Variants in TENM3 observed in about 807,000 individuals in gnomAD.
TENM3 encodes the protein teneurin-3.
TENM3 carries 63 observed loss-of-function variants against 255.1 expected under a neutral mutation model. The ratio of observed to expected loss-of-function variants is 0.25; its 90% CI spans 0.20 to 0.30. The LOEUF (loss-of-function observed/expected upper bound fraction) is 0.30. Among genes scored for constraint, TENM3 ranks in the 10% least tolerant of loss-of-function variants. TENM3 has a pLI of 1.00. For missense variants in TENM3, 2,929 were observed against 3,461.1 expected, an observed-to-expected ratio of 0.85 and a Z score of 3.86; for synonymous variants, 1,306 against 1,322.3, an observed-to-expected ratio of 0.99 and a Z score of 0.27.
At chr4:182,288,872 T>A (rs185188128) in intron 1 of TENM3, among the ~76,000 whole-genome samples, 33 of 152,186 alleles carry the variant, frequency 2.2e-4, no homozygotes, top group African/African-American at 7.9e-4. Context: ...AAAAATAAAA[T>A]AAATAAAGGT....
At chr4:181,530,456 G>GGTA in the TENM3 span, among the ~76,000 whole-genome samples, 3 of 151,994 alleles carry the variant, frequency 2.0e-5, no homozygotes, top group African/African-American at 7.2e-5. Context: ...AGTTACAGGT[G>GGTA]TAGATGAGTT....
At chr4:182,346,591 AAAAGAAACT>A (rs1764825738) in intron 2 of TENM3, 51 bp from the exon 3 acceptor site, 15 of 1,414,536 alleles carry the variant, frequency 1.1e-5, no homozygotes, top group Admixed American at 4.9e-5. Context: ...AAAAAAAAAG[AAAAGAAACT>A]AACACTGAAC....
At chr4:181,928,464 G>A in the TENM3 span, among the ~76,000 whole-genome samples, 1 of 151,730 alleles carries the variant, frequency 6.6e-6, no homozygotes, top group Non-Finnish European at 1.5e-5. Context: ...AATAAAGCAG[G>A]AAGACAAGAT....
chr4:182,616,542 T>A (rs1366034440), intron 4 of TENM3, among the ~76,000 whole-genome samples: 7 of 74,882 alleles, frequency 9.3e-5, no homozygotes, highest in African/African-American at 1.8e-4. Flanking sequence ...AAAAAAAAGG[T>A]CAGGAGATCA....
chr4:182,112,746 T>C, the TENM3 span, among the ~76,000 whole-genome samples: 2 of 152,244 alleles, frequency 1.3e-5, no homozygotes, highest in African/African-American at 4.8e-5. Context: ...ATTTTTGCGT[T>C]TATGCTAATT....
At chr4:182,644,210 A>G (rs542386158) in intron 5 of TENM3, among the ~76,000 whole-genome samples, 1 of 152,246 alleles carries the variant, frequency 6.6e-6, no homozygotes, top group East Asian at 1.9e-4. Context: ...ACCAGCTGTC[A>G]TCACCCTTCC....
intron 3 of TENM3, among the ~76,000 whole-genome samples, chr4:182,491,855 TG>T (rs780745211): frequency 4.5e-4 from 69 of 152,174 alleles, no homozygotes; most frequent in Admixed American, 5.9e-4. Context: ...GGGATTGGGA[TG>T]CAGAACAGTA....
At chr4:181,501,567 G>A in the TENM3 span, among the ~76,000 whole-genome samples, 4 of 151,764 alleles carry the variant, frequency 2.6e-5, no homozygotes, top group African/African-American at 4.8e-5. Context: ...TTTAGTAGAG[G>A]CGGGGTTTCA....
At chr4:182,109,366 T>C in the TENM3 span, among the ~76,000 whole-genome samples, 7 of 150,934 alleles carry the variant, frequency 4.6e-5, no homozygotes, top group African/African-American at 1.7e-4. Context: ...ATAGTGATTA[T>C]ATTATATAAT....
intron 3 of TENM3, among the ~76,000 whole-genome samples, chr4:182,422,115 G>A (rs1484813695): frequency 6.6e-6 from 1 of 152,078 alleles, no homozygotes; most frequent in Admixed American, 6.6e-5. Context: ...ATGTAAATGT[G>A]TTCCTGTGTC....
chr4:182,360,578 G>A (rs989030959), intron 3 of TENM3, among the ~76,000 whole-genome samples: 1 of 152,154 alleles, frequency 6.6e-6, no homozygotes, highest in Non-Finnish European at 1.5e-5. Context: ...TGCTTGGTAG[G>A]TCTTCCTCCA....
chr4:181,453,803 A>G, the TENM3 span, among the ~76,000 whole-genome samples: 1 of 152,146 alleles, frequency 6.6e-6, no homozygotes. Flanking sequence ...TATGACAGTC[A>G]GGTCTTCAGG....
At chr4:182,556,642 C>G (rs1370716516) in intron 3 of TENM3, among the ~76,000 whole-genome samples, 1 of 152,130 alleles carries the variant, frequency 6.6e-6, no homozygotes, top group East Asian at 1.9e-4. Context: ...TTACAAGTGT[C>G]TTCCCCTTCC....
chr4:182,409,408 C>A (rs1006503828), intron 3 of TENM3, among the ~76,000 whole-genome samples: 3 of 152,208 alleles, frequency 2.0e-5, no homozygotes, highest in African/African-American at 7.2e-5. Context: ...ATCCCAGCAG[C>A]CAAAACAGAG....
intron 6 of TENM3, among the ~76,000 whole-genome samples, chr4:182,659,761 T>C (rs1487370970): frequency 7.9e-5 from 12 of 152,216 alleles, no homozygotes; most frequent in Admixed American, 6.5e-4. Context: ...ATTTGAGATA[T>C]CAGTTCCTTG....
At chr4:181,966,476 T>C in the TENM3 span, among the ~76,000 whole-genome samples, 1 of 152,124 alleles carries the variant, frequency 6.6e-6, no homozygotes, top group South Asian at 2.1e-4. Flanking sequence ...TCACTTTATA[T>C]AAAAGTCAAG....
the TENM3 span, among the ~76,000 whole-genome samples, chr4:181,750,386 A>G: frequency 6.6e-6 from 1 of 152,188 alleles, no homozygotes; most frequent in Non-Finnish European, 1.5e-5. Context: ...TACCAACTTT[A>G]TCACTTATAA....
the TENM3 span, among the ~76,000 whole-genome samples, chr4:181,738,245 TA>T: frequency 6.6e-6 from 1 of 152,202 alleles, no homozygotes; most frequent in African/African-American, 2.4e-5. Context: ...AGTTAGGTGG[TA>T]AATTTACAGT....
intron 1 of TENM3, among the ~76,000 whole-genome samples, chr4:182,294,154 C>A (rs1449904877): frequency 6.6e-6 from 1 of 152,096 alleles, no homozygotes; most frequent in Non-Finnish European, 1.5e-5. Context: ...AATGTCATCG[C>A]TTAAGAAGAG....
Sources: allele counts gnomAD v4.1 joint callset (sites outside exome capture counted in the v4.1 genomes callset), GRCh38; gene constraint gnomAD v4.1.1; transcripts MANE v1.5; gene names NCBI Gene and HGNC (gene_info 2026-07-23, HGNC 2026-07-21).